The following HECW1 variants were observed in gnomAD, a reference collection of about 807,000 sequenced individuals.
HECW1 encodes HECT, C2 and WW domain containing E3 ubiquitin protein ligase 1.
A neutral mutation model predicts 182.3 loss-of-function variants in HECW1; 61 were observed. The ratio of observed to expected loss-of-function variants is 0.33; its 90% CI spans 0.27 to 0.41. The LOEUF (loss-of-function observed/expected upper bound fraction) is 0.41. HECW1 is among the 10% of genes least tolerant of loss of function. HECW1 has a pLI of 1.00. For missense variants in HECW1, 1,739 were observed against 2,108.9 expected, an observed-to-expected ratio of 0.82 and a Z score of 3.44; for synonymous variants, 859 against 832.6, an observed-to-expected ratio of 1.03 and a Z score of -0.55.
chr7:43,205,788 T>C (rs944575628), intron 2 of HECW1, among the ~76,000 whole-genome samples: 2 of 152,174 alleles, frequency 1.3e-5, no homozygotes, highest in African/African-American at 4.8e-5. Flanking sequence ...ACCCAAGATC[T>C]TCAGGTCCCT....
intron 3 of HECW1, among the ~76,000 whole-genome samples, chr7:43,248,025 C>T (rs866095293): frequency 2.7e-5 from 3 of 111,474 alleles, no homozygotes; most frequent in Non-Finnish European, 5.1e-5. Flanking sequence ...AAGAAGAAAG[C>T]AAGCAAGAAG....
In HECW1 at chr7:43,243,297, T is replaced by C. The variant is rs1258602866; in HGVS notation, c.-31-578T>C. ...GGACATGGTAGCTCTAAAGTGCCAA[T>C]GGTGAGACCAGTGATGCCAAGTTTA... On this transcript the variant is annotated intron_variant, in intron 2 of 29. Transcript: ENST00000395891. This position sits in a 1 kb window ranked among gnomAD's most constrained non-coding sequence, Gnocchi z 4.0. Among the ~76,000 whole-genome samples the C allele has an allele frequency of 6.6e-6, 1 of 152,204 alleles. No individual in the cohort carries two copies. The highest frequency in any genetic ancestry group is 1.9e-4 in the East Asian group (1 of 5,194).
chr7:43,229,017 A>G (rs60965009), intron 2 of HECW1, among the ~76,000 whole-genome samples: 3,940 of 152,284 alleles, frequency 0.026, 152 homozygotes, highest in African/African-American at 0.078. Flanking sequence ...GATTTTCCAC[A>G]GTACGAATGA....
intron 2 of HECW1, among the ~76,000 whole-genome samples, chr7:43,180,071 T>G (rs1359428801): frequency 6.6e-6 from 1 of 152,246 alleles, no homozygotes; most frequent in East Asian, 1.9e-4. Flanking sequence ...CTTGCCAGTT[T>G]ACGTTATCTG....
chr7:43,382,759 C>T (rs1424935593), intron 6 of HECW1, among the ~76,000 whole-genome samples: 1 of 152,138 alleles, frequency 6.6e-6, no homozygotes, highest in African/African-American at 2.4e-5. Flanking sequence ...AAAATGATGA[C>T]TGAAATGTGG....
intron 5 of HECW1, among the ~76,000 whole-genome samples, chr7:43,334,522 G>C (rs1811891139): frequency 6.6e-6 from 1 of 152,198 alleles, no homozygotes; most frequent in African/African-American, 2.4e-5. Flanking sequence ...ATCCGTTGCA[G>C]CAGCTACTAA....
chr7:43,497,217 G>A (rs76764444), intron 19 of HECW1, among the ~76,000 whole-genome samples: 24,164 of 152,088 alleles, frequency 0.16, 2,459 homozygotes, highest in South Asian at 0.22. Context: ...GATGCAAAGT[G>A]GAGATCAGGG....
At chr7:43,163,088 G>A (rs913123867) in intron 2 of HECW1, 1 of 152,266 alleles carries the variant, frequency 6.6e-6, no homozygotes, top group Non-Finnish European at 1.5e-5. Flanking sequence ...GCAAAGGCAA[G>A]GGAGTTGACC....
chr7:43,329,716 G>A (rs573885200), intron 5 of HECW1, among the ~76,000 whole-genome samples: 6 of 152,202 alleles, frequency 3.9e-5, no homozygotes, highest in African/African-American at 9.6e-5. Flanking sequence ...GCCCGGACAC[G>A]GCGTGCTAAG....
intron 17 of HECW1, among the ~76,000 whole-genome samples, chr7:43,490,916 C>T (rs2078905907): frequency 6.6e-6 from 1 of 152,114 alleles, no homozygotes; most frequent in Admixed American, 6.6e-5. Context: ...CGCCACCATG[C>T]CTGGCTTATT....
chr7:43,422,142 G>T lies in HECW1; in HGVS notation c.801+14411G>T, dbSNP rs555593630. Reference sequence around the variant, plus strand: ...ATCAGATTGGAGGAAACGTAATTGCGGTTTTGCCATTAAAAGTAATGGCCA... The same window carrying T: ...ATCAGATTGGAGGAAACGTAATTGCTGTTTTGCCATTAAAAGTAATGGCCA... On this transcript the variant is annotated intron_variant, in intron 8 of 29. Transcript: ENST00000395891. Among the ~76,000 whole-genome samples the T allele has an allele frequency of 1.2e-4, 18 of 152,072 alleles. No homozygotes were observed. The East Asian group carries it at 3.3e-3, about 28-fold the overall frequency.
chr7:43,393,987 AC>A (rs1411979906), intron 6 of HECW1, among the ~76,000 whole-genome samples: 1 of 152,148 alleles, frequency 6.6e-6, no homozygotes, highest in Non-Finnish European at 1.5e-5. Flanking sequence ...CCCCCAAAGA[AC>A]TTTTATTCTT....
chr7:43,508,744 T>G, intron 23 of HECW1: 3 of 533,484 alleles, frequency 5.6e-6, no homozygotes, highest in East Asian at 3.0e-5. Context: ...GCCATAAGAG[T>G]TTATTCATGG....
intron 2 of HECW1, among the ~76,000 whole-genome samples, chr7:43,193,498 C>T (rs1412743896): frequency 1.3e-5 from 2 of 152,130 alleles, no homozygotes; most frequent in Admixed American, 6.5e-5. Context: ...TCTCCTGCCT[C>T]AGCCTCCTAA....
At chr7:43,128,798 C>A (rs1033697544) in intron 2 of HECW1, among the ~76,000 whole-genome samples, 2 of 152,128 alleles carry the variant, frequency 1.3e-5, no homozygotes, top group Non-Finnish European at 2.9e-5. Flanking sequence ...GAGAAGAGGT[C>A]AGAATATCAA....
chr7:43,396,924 C>CT (rs1443183799), intron 7 of HECW1, 35 bp downstream of exon 7: 1 of 1,475,386 alleles, frequency 6.8e-7, no homozygotes, highest in African/African-American at 1.4e-5. Flanking sequence ...TGTGGAGAGA[C>CT]TAAGAATGTC....
chr7:43,296,423 T>C (rs1806059839), intron 3 of HECW1, among the ~76,000 whole-genome samples: 1 of 152,200 alleles, frequency 6.6e-6, no homozygotes, highest in Non-Finnish European at 1.5e-5. Flanking sequence ...CAGGAAGGTC[T>C]ATGGTGTGTC....
Position 43,432,368 on chromosome 7 carries a change from T to C in HECW1, c.802-5635T>C. Among the ~76,000 whole-genome samples the C allele has an allele frequency of 6.6e-6, 1 of 151,962 alleles. No individual in the cohort carries two copies. The highest frequency in any genetic ancestry group is 1.9e-4 in the East Asian group (1 of 5,184). On this transcript the variant is annotated intron_variant, in intron 8 of 29. Transcript: ENST00000395891. The surrounding 1 kb of genome is among the most constrained non-coding windows in gnomAD (Gnocchi z 4.1). ...TTTAGCCGGGATGGTCTCGATCTCCTGACCTCGTGATCCGCCCGCCTCGGC... is the reference window on the plus strand; with the variant it reads ...TTTAGCCGGGATGGTCTCGATCTCCCGACCTCGTGATCCGCCCGCCTCGGC...
chr7:43,235,972 T>A (rs1337930635), intron 2 of HECW1, among the ~76,000 whole-genome samples: 2 of 151,812 alleles, frequency 1.3e-5, no homozygotes, highest in Non-Finnish European at 2.9e-5. Flanking sequence ...GAGGATCACT[T>A]GAGCCCAGGA....
Sources: gnomAD v4.1 joint callset for allele counts (sites outside exome capture counted in the v4.1 genomes callset) on GRCh38, gnomAD v4.1.1 for gene constraint, Gnocchi (gnomAD v3.1) non-coding constraint, MANE v1.5 for transcripts, NCBI Gene and HGNC (gene_info 2026-07-23, HGNC 2026-07-21) for gene names.